The following MIA2 variants were observed in gnomAD, a reference collection of about 807,000 sequenced individuals.
The protein encoded by MIA2 is MIA SH3 domain ER export factor 2.
A neutral mutation model predicts 167.8 loss-of-function variants in MIA2; 127 were observed. The ratio of observed to expected loss-of-function variants is 0.76; its 90% CI spans 0.66 to 0.88. MIA2 has a LOEUF of 0.88. Among genes scored for constraint, MIA2 ranks in the 40% least tolerant of loss-of-function variants. The pLI, the probability that MIA2 is intolerant of heterozygous loss-of-function variation, is 0.00. For synonymous variants in MIA2, 552 were observed against 541.9 expected (o/e 1.02, Z -0.26); for missense variants, 1,690 against 1,624.7 (o/e 1.04, Z -0.69).
intron 13 of MIA2, among the ~76,000 whole-genome samples, chr14:39,298,113 C>T (rs1393373530): frequency 6.6e-6 from 1 of 151,458 alleles, no homozygotes; most frequent in Non-Finnish European, 1.5e-5. Context: ...GGTGGTAAAC[C>T]CTGTGTTAAA....
intron 18 of MIA2, among the ~76,000 whole-genome samples, chr14:39,309,460 G>A (rs1308325091): frequency 6.6e-6 from 1 of 152,104 alleles, no homozygotes; most frequent in East Asian, 1.9e-4. Context: ...ATGCTCTTCA[G>A]CACATTGACC....
chr14:39,244,393 C>T (rs2054196926), intron 3 of MIA2, among the ~76,000 whole-genome samples: 2 of 152,256 alleles, frequency 1.3e-5, no homozygotes, highest in African/African-American at 4.8e-5. Flanking sequence ...ACATCCCCAT[C>T]TTACAGATGA....
chr14:39,326,674 G>A (rs531421468), intron 24 of MIA2, among the ~76,000 whole-genome samples, 190 bp from the exon 25 acceptor site: 1 of 149,206 alleles, frequency 6.7e-6, no homozygotes, highest in African/African-American at 2.4e-5. Context: ...TATTTAATCA[G>A]TTCTTATAAT....
chr14:39,334,482 T>C (rs923953517), intron 25 of MIA2, among the ~76,000 whole-genome samples: 3 of 150,578 alleles, frequency 2.0e-5, no homozygotes, highest in African/African-American at 7.3e-5. Flanking sequence ...AAAAAAAAAA[T>C]AAAAAAATGG....
intron 2 of MIA2, 77 bp from the exon 3 acceptor site, chr14:39,240,484 T>G: frequency 9.3e-7 from 1 of 1,071,424 alleles, no homozygotes; most frequent in Non-Finnish European, 1.4e-6. Context: ...GCCAAGGACA[T>G]GGGACAAAAT....
intron 25 of MIA2, among the ~76,000 whole-genome samples, chr14:39,331,010 ATTG>A (rs1297477363): frequency 6.6e-6 from 1 of 151,466 alleles, no homozygotes; most frequent in Non-Finnish European, 1.5e-5. Flanking sequence ...AGTCCTGAAT[ATTG>A]TTAATTTTCT....
At chr14:39,385,487 T>C (rs552534003) in intron 23 of MIA2, 1 of 932,758 alleles carries the variant, frequency 1.1e-6, no homozygotes, top group East Asian at 2.4e-5. Context: ...GTGATCTTGC[T>C]CTCCTGTGTC....
At chr14:39,269,641 T>G (rs1317556288) in intron 6 of MIA2, among the ~76,000 whole-genome samples, 1 of 151,906 alleles carries the variant, frequency 6.6e-6, no homozygotes, top group Non-Finnish European at 1.5e-5. Context: ...CACCTCAGCC[T>G]CCTGAATAGG....
intron 23 of MIA2, among the ~76,000 whole-genome samples, chr14:39,366,924 CT>C (rs2074834192): frequency 6.6e-6 from 1 of 152,208 alleles, no homozygotes; most frequent in Admixed American, 6.5e-5. Context: ...AGAAATAGTT[CT>C]CAGAGTGTGT....
chr14:39,292,017 T>C (rs2060801969), intron 10 of MIA2, among the ~76,000 whole-genome samples: 6 of 152,218 alleles, frequency 3.9e-5, no homozygotes, highest in Admixed American at 3.9e-4. Flanking sequence ...TCAGAAACTC[T>C]ATGTGTTATG....
intron 23 of MIA2, among the ~76,000 whole-genome samples, chr14:39,381,018 A>C (rs557860772): frequency 4.6e-4 from 66 of 143,454 alleles, no homozygotes; most frequent in African/African-American, 1.7e-3. Flanking sequence ...TTTAGTAAAA[A>C]AAACAAAAAA....
intron 6 of MIA2, 194 bp from the exon 7 acceptor site, chr14:39,276,732 GATAATTGC>G (rs2058055240): frequency 5.8e-6 from 3 of 515,120 alleles, no homozygotes; most frequent in Non-Finnish European, 1.0e-5. Context: ...CCAGTTTGAA[GATAATTGC>G]ATTTCACCAT....
At chr14:39,386,420 C>T (rs2075273601) in intron 23 of MIA2, 1 of 1,554,934 alleles carries the variant, frequency 6.4e-7, no homozygotes, top group South Asian at 1.1e-5. Flanking sequence ...TTTAACAAGG[C>T]TGTTTCTAGC....
chr14:39,334,471 C>T (rs549225700), intron 25 of MIA2, among the ~76,000 whole-genome samples: 5 of 143,572 alleles, frequency 3.5e-5, no homozygotes, highest in Admixed American at 7.0e-5. Context: ...GAGACTCTCT[C>T]AAAAAAAAAA....
At chr14:39,312,108 A>T (rs2064417380) in intron 18 of MIA2, among the ~76,000 whole-genome samples, 1 of 152,098 alleles carries the variant, frequency 6.6e-6, no homozygotes, top group Admixed American at 6.6e-5. Flanking sequence ...GATTATAGGC[A>T]TGAGCCACTG....
intron 3 of MIA2, among the ~76,000 whole-genome samples, chr14:39,241,878 CA>C (rs1001252566): frequency 6.6e-6 from 1 of 152,230 alleles, no homozygotes; most frequent in Non-Finnish European, 1.5e-5. Context: ...ACTCTCCCCT[CA>C]CTCACCATGA....
rs1231529948 is a variant in MIA2, at chr14:39,350,555, A to C, written c.*291A>C. The C allele has an allele frequency of 7.4e-6, 2 of 269,332 alleles. No individual in the cohort carries two copies. The highest frequency in any genetic ancestry group is 1.4e-5 in the Non-Finnish European group (2 of 145,396). 16.7% of individuals were successfully genotyped at this position (269,332 alleles called of 1,614,324 possible). ...TCAGGTGGGGAGGCTTTAAATTCTG[A>C]AGTCTGTGTCTTTATGCCAAGAACT... On this transcript the variant is annotated 3_prime_UTR_variant, in exon 29 of 29. Coordinates refer to ENST00000640607, the MANE Select transcript of MIA2 (RefSeq NM_001329214.4).
rs149078092 is a variant in MIA2, at chr14:39,278,027, G to A, written c.2019+962G>A. On this transcript the variant is annotated intron_variant, in intron 7 of 28. Transcript: ENST00000640607. Reference sequence around the variant, plus strand: ...TCACTCCTGTCACCCGGGCTGGAGCGCAGTGGCATGATCTCGGCTCACTGC... The same window carrying A: ...TCACTCCTGTCACCCGGGCTGGAGCACAGTGGCATGATCTCGGCTCACTGC... 5.9e-5 allele frequency among the ~76,000 whole-genome samples: 9 copies of A among 151,718 alleles called. No individual in the cohort carries two copies. The East Asian group carries it at 1.8e-3, about 30-fold the overall frequency.
intron 25 of MIA2, among the ~76,000 whole-genome samples, chr14:39,340,512 C>T (rs2071548851): frequency 6.6e-6 from 1 of 152,206 alleles, no homozygotes; most frequent in African/African-American, 2.4e-5. Flanking sequence ...ACTTCACTGA[C>T]TCTGATTCAT....
Sources: allele counts gnomAD v4.1 joint callset (sites outside exome capture counted in the v4.1 genomes callset), GRCh38; gene constraint gnomAD v4.1.1; transcripts MANE v1.5; gene names NCBI Gene and HGNC (gene_info 2026-07-23, HGNC 2026-07-21).